PDE7A: variants seen among roughly 807,000 people sequenced by gnomAD.
The protein encoded by PDE7A is phosphodiesterase 7A.
A neutral mutation model predicts 64.3 loss-of-function variants in PDE7A; 39 were observed. The ratio of observed to expected loss-of-function variants is 0.61; its 90% CI spans 0.47 to 0.79. PDE7A has a LOEUF of 0.79. PDE7A is among the 30% of genes least tolerant of loss of function. PDE7A has a pLI of 0.00. For missense variants in PDE7A, 470 were observed against 582.8 expected, an observed-to-expected ratio of 0.81 and a Z score of 1.99; for synonymous variants, 203 against 206.8, an observed-to-expected ratio of 0.98 and a Z score of 0.16.
intron 4 of PDE7A, among the ~76,000 whole-genome samples, chr8:65,746,885 C>T (rs1807698771): frequency 1.3e-5 from 2 of 152,180 alleles, no homozygotes; most frequent in South Asian, 4.1e-4. Context: ...TTTACCTACA[C>T]AACTTAAAAA....
intron 1 of PDE7A, among the ~76,000 whole-genome samples, chr8:65,839,448 A>G (rs1457643408): frequency 6.6e-6 from 1 of 151,938 alleles, no homozygotes; most frequent in Admixed American, 6.6e-5. Context: ...AGAAATCAAT[A>G]TCAACATATG....
chr8:65,719,507 A>C lies in PDE7A; in HGVS notation c.1244-12T>G, dbSNP rs1346435637. ...GTAAGTCATAAAACCTTGAGAAAATAGGAGAAAAAGTTATTAACATATATG... is the reference window on the plus strand; with the variant it reads ...GTAAGTCATAAAACCTTGAGAAAATCGGAGAAAAAGTTATTAACATATATG... On this transcript the variant is annotated splice_polypyrimidine_tract_variant and intron_variant, in intron 12 of 12. Transcript: ENST00000401827. 3 of 1,562,152 alleles carry C rather than the reference A, an allele frequency of 1.9e-6. No individual in the cohort carries two copies. The highest frequency in any genetic ancestry group is 1.7e-5 in the Admixed American group (1 of 59,866).
intron 3 of PDE7A, among the ~76,000 whole-genome samples, chr8:65,769,491 C>T (rs2128919638): frequency 6.6e-6 from 1 of 152,322 alleles, no homozygotes; most frequent in African/African-American, 2.4e-5. Context: ...ATCCCTCTAT[C>T]TTGTGTAACC....
At chr8:65,743,895 C>T (rs1055848849) in intron 5 of PDE7A, among the ~76,000 whole-genome samples, 9 of 151,582 alleles carry the variant, frequency 5.9e-5, no homozygotes, top group East Asian at 1.9e-4. Flanking sequence ...TGCAATGGCG[C>T]GATCTCAGCT....
In PDE7A at chr8:65,724,288, T is replaced by C. The variant is rs1433033818; in HGVS notation, c.1129A>G (p.Ser377Gly). 1 of 1,612,496 alleles carries C rather than the reference T, an allele frequency of 6.2e-7. No homozygotes were observed. Among genetic ancestry groups the C allele is most frequent in the Non-Finnish European group, 8.5e-7 (1 of 1,178,858 alleles). The change falls in exon 11 of 13, where the codon AGT becomes GGT. Residue 377 changes from serine (S) to glycine (G), a missense_variant. Physicochemically the swap from Ser to Gly is moderately conservative, Grantham distance 56 (BLOSUM62 0). Transcript: ENST00000401827. ...AAGAATTCCTCCGTTACTTTTTCAC[T>C]CCACTGCTTGCTTAATTCCCACGTC... ...CRTWELSKQW[S>G]EKVTEEFFHQ...
intron 12 of PDE7A, among the ~76,000 whole-genome samples, chr8:65,721,280 T>C (rs1365473280): frequency 6.6e-6 from 1 of 152,230 alleles, no homozygotes; most frequent in African/African-American, 2.4e-5. Flanking sequence ...ATTTTCTTGT[T>C]CAACAAAATT....
At chr8:65,742,993 G>A (rs1258626145) in intron 5 of PDE7A, among the ~76,000 whole-genome samples, 1 of 152,210 alleles carries the variant, frequency 6.6e-6, no homozygotes, top group African/African-American at 2.4e-5. Flanking sequence ...GCACTGCTGA[G>A]CTCACGCCGC....
chr8:65,795,502 G>A (rs1320003191), intron 1 of PDE7A, among the ~76,000 whole-genome samples: 4 of 152,242 alleles, frequency 2.6e-5, no homozygotes, highest in African/African-American at 9.6e-5. Flanking sequence ...ACTCCATGAG[G>A]CCAGAAAAAT....
At chr8:65,730,321 C>T (rs1806825526) in intron 7 of PDE7A, among the ~76,000 whole-genome samples, 1 of 151,414 alleles carries the variant, frequency 6.6e-6, no homozygotes, top group South Asian at 2.1e-4. Flanking sequence ...GCTGGTATTA[C>T]AGGCATGCGC....
intron 1 of PDE7A, among the ~76,000 whole-genome samples, chr8:65,801,865 T>C (rs1809995364): frequency 6.6e-6 from 1 of 152,308 alleles, no homozygotes; most frequent in Non-Finnish European, 1.5e-5. Context: ...AGGAAAAAAC[T>C]ATTTTCTCTT....
At chr8:65,810,098 A>G (rs1810216866) in intron 1 of PDE7A, among the ~76,000 whole-genome samples, 1 of 152,234 alleles carries the variant, frequency 6.6e-6, no homozygotes, top group Admixed American at 6.5e-5. Context: ...GAACCAACCC[A>G]AATGTCCATC....
intron 1 of PDE7A, among the ~76,000 whole-genome samples, chr8:65,823,913 A>C (rs1276593586): frequency 1.3e-5 from 2 of 152,194 alleles, no homozygotes; most frequent in Non-Finnish European, 2.9e-5. Flanking sequence ...AAAAAGGGAA[A>C]GTTTCCCACA....
rs1811089741 is a variant in PDE7A, at chr8:65,841,552, G to C, written c.-44C>G. 1.5e-6 allele frequency: 2 copies of C among 1,338,008 alleles called. No individual in the cohort carries two copies. The highest frequency in any genetic ancestry group is 1.9e-6 in the Non-Finnish European group (2 of 1,032,938). 82.9% of individuals were successfully genotyped at this position (1,338,008 alleles called of 1,614,324 possible). A position where few individuals can be genotyped will look rare whatever the true frequency, so the allele number is the denominator to read the frequency against. On this transcript the variant is annotated 5_prime_UTR_variant, in exon 1 of 13. Transcript: ENST00000401827. Reference sequence around the variant, plus strand: ...CTCCGCGCGGCGCCCGCCCTGCCGCGGCCGCCGGCCCCTGCAGTGGGAGGG... The same window carrying C: ...CTCCGCGCGGCGCCCGCCCTGCCGCCGCCGCCGGCCCCTGCAGTGGGAGGG...
At chr8:65,778,935 A>C (rs1461874515) in intron 3 of PDE7A, among the ~76,000 whole-genome samples, 1 of 152,174 alleles carries the variant, frequency 6.6e-6, no homozygotes, top group East Asian at 1.9e-4. Context: ...TGGGCTCTAA[A>C]CACCTGTTTT....
At chr8:65,736,787 T>A (rs769773147) in intron 6 of PDE7A, among the ~76,000 whole-genome samples, 11 of 114,200 alleles carry the variant, frequency 9.6e-5, no homozygotes, top group Middle Eastern at 9.3e-3. Flanking sequence ...AATAAATTTA[T>A]CTGTTTTTTT....
At chr8:65,738,828 C>T (rs1050373649) in intron 6 of PDE7A, among the ~76,000 whole-genome samples, 4 of 152,322 alleles carry the variant, frequency 2.6e-5, no homozygotes, top group East Asian at 1.9e-4. Context: ...AAGTTTTAGC[C>T]TTCAAAAATT....
At chr8:65,813,102 C>T (rs958394874) in intron 1 of PDE7A, among the ~76,000 whole-genome samples, 23 of 152,118 alleles carry the variant, frequency 1.5e-4, no homozygotes, top group African/African-American at 5.6e-4. Context: ...ACACAGTAGG[C>T]ACTGTGAAAA....
chr8:65,723,176 C>G (rs560816083), intron 12 of PDE7A: 2 of 156,040 alleles, frequency 1.3e-5, no homozygotes, highest in South Asian at 2.0e-4. Flanking sequence ...TGGGTCACCA[C>G]CTATCCATTT....
At chr8:65,770,562 T>C (rs1049385255) in intron 3 of PDE7A, among the ~76,000 whole-genome samples, 1 of 152,154 alleles carries the variant, frequency 6.6e-6, no homozygotes, top group Non-Finnish European at 1.5e-5. Flanking sequence ...AAGATGAGAT[T>C]TGGGAGGGGA....
Sources: allele counts gnomAD v4.1 joint callset (sites outside exome capture counted in the v4.1 genomes callset), GRCh38; gene constraint gnomAD v4.1.1; transcripts MANE v1.5; gene names NCBI Gene and HGNC (gene_info 2026-07-23, HGNC 2026-07-21).